Variants in VPS25 observed in about 807,000 individuals in gnomAD.
VPS25 encodes vacuolar protein sorting 25 homolog, also known as vacuolar protein-sorting-associated protein 25.
A neutral mutation model predicts 30.3 loss-of-function variants in VPS25; 21 were observed. That is an observed-to-expected ratio of 0.69 (90% CI 0.49 to 1.00). The LOEUF is 1.00. Ranked by LOEUF, VPS25 falls within the 50% of genes least tolerant of loss-of-function variation. VPS25 has a pLI of 0.00. For synonymous variants in VPS25, 101 were observed against 88.1 expected (o/e 1.15, Z -0.82); for missense variants, 156 against 217.2 (o/e 0.72, Z 1.77).
chr17:42,774,740 T>G lies in VPS25; in HGVS notation c.253+41T>G, dbSNP rs749637766. 6 of 1,587,852 alleles carry G rather than the reference T, an allele frequency of 3.8e-6. No homozygotes were observed. The African/African-American group carries it at 5.4e-5, about 14-fold the overall frequency. ...CAGATTCCTTATTTTTCTTCCTAGT[T>G]GGGTTTTCCTGAGGGCAAATTAGGA... On this transcript the variant is annotated intron_variant, in intron 3 of 5. Transcript: ENST00000253794.
intron 1 of VPS25, 66 bp from the exon 2 acceptor site, chr17:42,773,661 TCCTGAA>T: frequency 1.2e-6 from 2 of 1,604,856 alleles, no homozygotes; most frequent in Non-Finnish European, 1.7e-6. Context: ...CTTACTTTCT[TCCTGAA>T]ATGCGTCCCG....
intron 3 of VPS25, 180 bp from the exon 4 acceptor site, chr17:42,775,201 A>G: frequency 1.8e-6 from 1 of 558,410 alleles, no homozygotes; most frequent in Non-Finnish European, 3.2e-6. Flanking sequence ...GTGTCACCAC[A>G]CACCTGGCTA....
chr17:42,774,082 C>T (rs2054424202), intron 2 of VPS25: 3 of 580,778 alleles, frequency 5.2e-6, no homozygotes, highest in African/African-American at 1.9e-5. Context: ...GCAGTGATGA[C>T]TGCTCGGATG....
At chr17:42,773,913 C>T in intron 2 of VPS25, 35 bp downstream of exon 2, 1 of 1,595,074 alleles carries the variant, frequency 6.3e-7, no homozygotes, top group Non-Finnish European at 8.5e-7. Context: ...AGCCCATACA[C>T]ATGCACTTCT....
chr17:42,779,394 C>T lies in VPS25; in HGVS notation c.*325C>T. 1 of 237,028 alleles carries T rather than the reference C, an allele frequency of 4.2e-6. No individual in the cohort carries two copies. Among genetic ancestry groups the T allele is most frequent in the Non-Finnish European group, 8.7e-6 (1 of 115,250 alleles). The allele number at this position is 237,028 out of a possible 1,614,324, so 14.7% of individuals were successfully genotyped here. ...GTAAGTACATACACACATGCGCCTG[C>T]AGCACATGCTTCTGTCTCCTCCTCC... On this transcript the variant is annotated 3_prime_UTR_variant, in exon 6 of 6. Coordinates refer to ENST00000253794, the MANE Select transcript of VPS25 (RefSeq NM_032353.4).
chr17:42,775,454 A>G lies in VPS25; in HGVS notation c.327A>G (p.Lys109=). The G allele has an allele frequency of 6.2e-7, 1 of 1,613,648 alleles. No homozygotes were observed. Among genetic ancestry groups the G allele is most frequent in the Non-Finnish European group, 8.5e-7 (1 of 1,179,654 alleles). The change falls in exon 4 of 6, where the codon AAA becomes AAG. Residue 109 remains lysine, a synonymous_variant. Transcript: ENST00000253794. The stretch of plus-strand genomic sequence containing the variant: ...GGCGGAGGCCAGAAGAATGGGGGAA[A>G]CTCATCTATCAGTGGGTGAGATCAT... ...IMWRRPEEWG[K]LIYQWVSRSG...
Position 42,779,465 on chromosome 17 carries a change from G to A in VPS25, c.*396G>A, listed in dbSNP as rs527656175. On this transcript the variant is annotated 3_prime_UTR_variant, in exon 6 of 6. Transcript: ENST00000253794. Reference sequence around the variant, plus strand: ...TTGCCTCCCTTCTCAGGCTGGTGCTGGATCCTTCCTAGGGGATGGGGGAAG... The same window carrying A: ...TTGCCTCCCTTCTCAGGCTGGTGCTAGATCCTTCCTAGGGGATGGGGGAAG... 5.0e-5 allele frequency: 10 copies of A among 198,788 alleles called. No homozygotes were observed. The highest frequency in any genetic ancestry group is 4.1e-4 in the Admixed American group (8 of 19,468). The allele number at this position is 198,788 out of a possible 1,614,324, so 12.3% of individuals were successfully genotyped here.
In VPS25 at chr17:42,773,624, A is replaced by C. The variant is rs575660402; in HGVS notation, c.53+96A>C. ...TGCTTCATATGGGGAGGGGGAGAAA[A>C]GACCCGTCGGCCAACACCCTCAGTC... On this transcript the variant is annotated intron_variant, in intron 1 of 5. Coordinates refer to ENST00000253794, the MANE Select transcript of VPS25 (RefSeq NM_032353.4). 1.4e-4 allele frequency: 218 copies of C among 1,606,042 alleles called. No individual in the cohort carries two copies. In the South Asian group the frequency reaches 2.3e-3, roughly 17 times the overall value.
At chr17:42,776,711 A>G (rs1458421824) in intron 5 of VPS25, among the ~76,000 whole-genome samples, 2 of 138,752 alleles carry the variant, frequency 1.4e-5, no homozygotes, top group Non-Finnish European at 3.0e-5. Context: ...CCCAGGCTGG[A>G]GTGCAGTGGC....
At chr17:42,775,505 C>T (rs755588807) in intron 4 of VPS25, 36 bp downstream of exon 4, 4 of 1,560,436 alleles carry the variant, frequency 2.6e-6, no homozygotes, top group African/African-American at 2.7e-5. Context: ...TCAACAGTGA[C>T]CCATGGAAAA....
chr17:42,778,734 C>T (rs1481959105), intron 5 of VPS25, among the ~76,000 whole-genome samples: 2 of 152,146 alleles, frequency 1.3e-5, no homozygotes, highest in Admixed American at 6.5e-5. Flanking sequence ...GAGAGGAGAA[C>T]CAAGAAGGGG....
intron 2 of VPS25, chr17:42,774,369 T>C: frequency 2.8e-6 from 1 of 359,442 alleles, no homozygotes; most frequent in Non-Finnish European, 4.9e-6. Flanking sequence ...AGCTTCTTTC[T>C]TTCTTTTTTT....
In VPS25 at chr17:42,776,663, GT is replaced by G. The variant is rs1205721262; in HGVS notation, c.418+362del. Among the ~76,000 whole-genome samples, 607 of 120,950 alleles carry G rather than the reference GT, an allele frequency of 5.0e-3. 3 individuals are homozygous for G. Among genetic ancestry groups the G allele is most frequent in the African/African-American group, 0.016 (495 of 31,544 alleles). The allele number at this position is 120,950 out of a possible 152,430, so 79.3% of individuals were successfully genotyped here. A position where few individuals can be genotyped will look rare whatever the true frequency, so the allele number is the denominator to read the frequency against. ...AGGCGTGAGCCACTGTGCCCCGCCT[GT>G]TTTTTTTTTTTTTTTTTTGAGACAG... On this transcript the variant is annotated intron_variant, in intron 5 of 5. Coordinates refer to ENST00000253794, the MANE Select transcript of VPS25 (RefSeq NM_032353.4).
chr17:42,777,322 C>T (rs1323404760), intron 5 of VPS25, among the ~76,000 whole-genome samples: 1 of 152,200 alleles, frequency 6.6e-6, no homozygotes, highest in Non-Finnish European at 1.5e-5. Context: ...CCAGACCAGC[C>T]TGGCCAACAT....
chr17:42,776,530 T>C (rs765790118), intron 5 of VPS25, among the ~76,000 whole-genome samples: 1 of 151,592 alleles, frequency 6.6e-6, no homozygotes, highest in Non-Finnish European at 1.5e-5. Flanking sequence ...GCCTGGCTAA[T>C]TTTTTGTATT....
At chr17:42,774,388 TTTG>T in intron 2 of VPS25, 3 of 361,016 alleles carry the variant, frequency 8.3e-6, no homozygotes, top group Admixed American at 4.5e-5. Context: ...TTTTTTTTTT[TTTG>T]GAGACAGGGT....
At chr17:42,776,128 G>A in intron 4 of VPS25, 117 bp from the exon 5 acceptor site, 1 of 855,036 alleles carries the variant, frequency 1.2e-6, no homozygotes, top group Non-Finnish European at 1.9e-6. Context: ...AGAGGCGACA[G>A]TGAGTCCTGG....
intron 5 of VPS25, among the ~76,000 whole-genome samples, chr17:42,778,202 T>G (rs1432908418): frequency 6.6e-6 from 1 of 152,036 alleles, no homozygotes; most frequent in African/African-American, 2.4e-5. Flanking sequence ...GGTTTTTTTT[T>G]TGAGACAAAG....
At chr17:42,777,229 A>T (rs2054441082) in intron 5 of VPS25, among the ~76,000 whole-genome samples, 1 of 150,398 alleles carries the variant, frequency 6.6e-6, no homozygotes, top group African/African-American at 2.5e-5. Context: ...AAAAAATAAC[A>T]ATAGGCCGGG....
Sources: gnomAD v4.1 joint callset for allele counts (sites outside exome capture counted in the v4.1 genomes callset) on GRCh38, gnomAD v4.1.1 for gene constraint, MANE v1.5 for transcripts, NCBI Gene and HGNC (gene_info 2026-07-23, HGNC 2026-07-21) for gene names.